SANBR: variants seen among roughly 807,000 people sequenced by gnomAD.
SANBR encodes the protein SANT and BTB domain regulator of CSR, also known as SANT and BTB domain regulator of class switch recombination.
Under a neutral mutation model 101.8 loss-of-function variants are expected in SANBR, and 77 were observed. That is an observed-to-expected ratio of 0.76 (90% CI 0.63 to 0.91). The LOEUF is 0.91. Ranked by LOEUF, SANBR falls within the 40% of genes least tolerant of loss-of-function variation. SANBR has a pLI of 0.00. For missense variants in SANBR, 875 were observed against 853.0 expected (o/e 1.03, Z -0.32); for synonymous variants, 279 against 274.7 (o/e 1.02, Z -0.15).
At chr2:61,080,652 C>T (rs376449636) in intron 6 of SANBR, among the ~76,000 whole-genome samples, 11 of 151,626 alleles carry the variant, frequency 7.3e-5, no homozygotes, top group African/African-American at 2.4e-4. Flanking sequence ...ACCCGGGAGG[C>T]GGAGGTTGCA....
Position 61,083,303 on chromosome 2 carries a change from T to A in SANBR, c.879T>A (p.Asp293Glu). 1 of 1,591,882 alleles carries A rather than the reference T, an allele frequency of 6.3e-7. No homozygotes were observed. The highest frequency in any genetic ancestry group is 2.2e-5 in the East Asian group (1 of 44,710). Residue 293 changes from aspartate (D) to glutamate (E), a missense_variant, in exon 8 of 22, where the codon GAT (aspartate) becomes GAA (glutamate). Physicochemically the swap from Asp to Glu is conservative, Grantham distance 45 (BLOSUM62 2). Coordinates refer to ENST00000402291, the MANE Select transcript of SANBR (RefSeq NM_001129993.3). Reference protein sequence around the residue: ...NEVDDLKDKKDKFKSKLFCKK... With the variant: ...NEVDDLKDKKEKFKSKLFCKK... ...TTGATGATTTAAAGGACAAAAAAGATAAATTTAAAAGGTAATTTCAAAAGT... is the reference window on the plus strand; with the variant it reads ...TTGATGATTTAAAGGACAAAAAAGAAAAATTTAAAAGGTAATTTCAAAAGT...
intron 8 of SANBR, among the ~76,000 whole-genome samples, chr2:61,084,350 A>G (rs1682309742): frequency 6.6e-6 from 1 of 152,202 alleles, no homozygotes; most frequent in Non-Finnish European, 1.5e-5. Flanking sequence ...CAATGGCTCA[A>G]GATAAAAATT....
At chr2:61,077,206 C>A in intron 6 of SANBR, 48 bp downstream of exon 6, 1 of 1,342,292 alleles carries the variant, frequency 7.4e-7, no homozygotes, top group Admixed American at 1.8e-5. Flanking sequence ...TGTGTGTCAC[C>A]TGGTAGTTTC....
intron 10 of SANBR, chr2:61,088,806 ACCGCTCCCAG>A (rs1682591420): frequency 1.0e-6 from 1 of 961,680 alleles, no homozygotes; most frequent in South Asian, 4.8e-5. Context: ...GGTGTGAGCC[ACCGCTCCCAG>A]CCCAGATTTT....
intron 5 of SANBR, among the ~76,000 whole-genome samples, chr2:61,076,151 G>A (rs776499551): frequency 3.0e-5 from 4 of 135,480 alleles, no homozygotes; most frequent in Non-Finnish European, 7.0e-5. Flanking sequence ...ATGCCACCAT[G>A]GCCAGCTAAT....
intron 17 of SANBR, among the ~76,000 whole-genome samples, chr2:61,116,762 G>T (rs1365660754): frequency 1.3e-5 from 2 of 152,108 alleles, no homozygotes; most frequent in Non-Finnish European, 2.9e-5. Flanking sequence ...AAAAAAAATT[G>T]TATCAGCTGG....
intron 12 of SANBR, among the ~76,000 whole-genome samples, chr2:61,102,357 C>A (rs1413339682): frequency 4.1e-5 from 4 of 97,710 alleles, no homozygotes; most frequent in African/African-American, 1.9e-4. Flanking sequence ...CAGAGCAAGA[C>A]TGTGTCTCAA....
chr2:61,071,418 C>T (rs1681461668), intron 3 of SANBR, among the ~76,000 whole-genome samples, 188 bp from the exon 4 acceptor site: 2 of 151,924 alleles, frequency 1.3e-5, no homozygotes, highest in Admixed American at 6.6e-5. Context: ...GGCATGGTGG[C>T]AGGCACCTGT....
chr2:61,091,086 G>A lies in SANBR; in HGVS notation c.1089-1378G>A, dbSNP rs143559357. ...AATTACTTTTAAGACAAATGTGCCTGTGTAATTTGTAATAACATCATGACA... is the reference window on the plus strand; with the variant it reads ...AATTACTTTTAAGACAAATGTGCCTATGTAATTTGTAATAACATCATGACA... On this transcript the variant is annotated intron_variant, in intron 10 of 21. Transcript: ENST00000402291. Among the ~76,000 whole-genome samples, 4 of 152,132 alleles carry A rather than the reference G, an allele frequency of 2.6e-5. No homozygotes were observed. In the East Asian group the frequency reaches 7.7e-4, roughly 29 times the overall value.
At chr2:61,066,096 C>T (rs1397262826) in intron 1 of SANBR, 69 bp downstream of exon 1, 1 of 152,340 alleles carries the variant, frequency 6.6e-6, no homozygotes, top group East Asian at 1.9e-4. Context: ...GGCGGTACCG[C>T]TCACAGCCAG....
intron 20 of SANBR, among the ~76,000 whole-genome samples, chr2:61,118,788 T>C (rs757524667): frequency 7.2e-5 from 11 of 151,870 alleles, no homozygotes; most frequent in Non-Finnish European, 1.3e-4. Flanking sequence ...TCTTGAGCTT[T>C]TGACCTCGTG....
intron 20 of SANBR, among the ~76,000 whole-genome samples, chr2:61,129,577 G>A (rs530701617): frequency 5.3e-4 from 80 of 152,190 alleles, no homozygotes; most frequent in African/African-American, 1.9e-3. Flanking sequence ...AATTGAATAT[G>A]TATATAATTT....
chr2:61,070,721 T>A (rs1681417847), intron 3 of SANBR, among the ~76,000 whole-genome samples: 1 of 147,378 alleles, frequency 6.8e-6, no homozygotes, highest in African/African-American at 2.5e-5. Context: ...GTATATATAT[T>A]TATATATAAT....
downstream of SANBR, among the ~76,000 whole-genome samples, chr2:61,125,966 G>C (rs887516492): frequency 1.3e-5 from 2 of 152,164 alleles, no homozygotes; most frequent in African/African-American, 2.4e-5. Context: ...GAGGCCTCCT[G>C]CCTCACTGGC....
chr2:61,097,883 C>T, intron 12 of SANBR, 31 bp downstream of exon 12: 1 of 1,583,316 alleles, frequency 6.3e-7, no homozygotes, highest in Non-Finnish European at 8.6e-7. Flanking sequence ...TTAGTAGCTA[C>T]AGTTTTTAAA....
intron 12 of SANBR, 114 bp from the exon 13 acceptor site, chr2:61,103,739 A>G: frequency 1.1e-6 from 1 of 948,872 alleles, no homozygotes; most frequent in South Asian, 1.7e-5. Flanking sequence ...CTTGAGAAAA[A>G]GTTATAAAAT....
rs965765071 is a variant in SANBR at position 61,084,057 on chromosome 2, G to A, written c.890+743G>A. On this transcript the variant is annotated intron_variant, in intron 8 of 21. Coordinates refer to ENST00000402291, the MANE Select transcript of SANBR (RefSeq NM_001129993.3). Reference sequence around the variant, plus strand: ...ACAACCTGTACCTTCAGGCTCAAGCGATCCTTCCACCTCAGCCTTCCAAGT... The same window carrying A: ...ACAACCTGTACCTTCAGGCTCAAGCAATCCTTCCACCTCAGCCTTCCAAGT... 7.2e-5 allele frequency among the ~76,000 whole-genome samples: 11 copies of A among 152,120 alleles called. No individual in the cohort carries two copies. The East Asian group carries it at 1.7e-3, about 24-fold the overall frequency.
chr2:61,106,452 G>T, intron 13 of SANBR, 111 bp from the exon 14 acceptor site: 1 of 670,176 alleles, frequency 1.5e-6, no homozygotes, highest in Non-Finnish European at 2.6e-6. Context: ...TTATACTCAG[G>T]AACTGTATTT....
rs1682576420 is a variant in SANBR, at chr2:61,088,532, G to T, written c.1088+64G>T. ...ATATATATATATAGTTGTTGTTGTT[G>T]TTTTGGAGACGGAGTCTTACTCTGT... is the stretch of plus-strand genomic sequence containing the variant. On this transcript the variant is annotated intron_variant, in intron 10 of 21. Coordinates refer to ENST00000402291, the MANE Select transcript of SANBR (RefSeq NM_001129993.3). 2.8e-6 allele frequency: 3 copies of T among 1,065,794 alleles called. No homozygotes were observed. In the African/African-American group the frequency reaches 5.2e-5, roughly 19 times the overall value. 66.0% of individuals were successfully genotyped at this position (1,065,794 alleles called of 1,614,324 possible).
Sources: allele counts gnomAD v4.1 joint callset (sites outside exome capture counted in the v4.1 genomes callset), GRCh38; gene constraint gnomAD v4.1.1; transcripts MANE v1.5; gene names NCBI Gene and HGNC (gene_info 2026-07-23, HGNC 2026-07-21).